RIMS1: variants seen among roughly 807,000 people sequenced by gnomAD.
RIMS1 encodes the protein regulating synaptic membrane exocytosis 1.
RIMS1 carries 83 observed loss-of-function variants against 214.1 expected under a neutral mutation model. The ratio of observed to expected loss-of-function variants is 0.39; its 90% CI spans 0.32 to 0.47. RIMS1 has a LOEUF of 0.47. RIMS1 is among the 20% of genes least tolerant of loss of function. The pLI is 0.99. For synonymous variants in RIMS1, 793 were observed against 786.8 expected (o/e 1.01, Z -0.13); for missense variants, 2,050 against 2,161.8 (o/e 0.95, Z 1.03).
intron 3 of RIMS1, among the ~76,000 whole-genome samples, chr6:72,098,597 T>A (rs1441085480): frequency 6.6e-6 from 1 of 151,700 alleles, no homozygotes; most frequent in Non-Finnish European, 1.5e-5. Context: ...ACCTGGCCGA[T>A]CAATATATCT....
chr6:72,182,631 A>C lies in RIMS1; in HGVS notation c.1160A>C (p.Glu387Ala), dbSNP rs1215027327. 6.5e-7 allele frequency: 1 copy of C among 1,544,340 alleles called. No homozygotes were observed. Among genetic ancestry groups the C allele is most frequent in the East Asian group, 2.5e-5 (1 of 40,730 alleles). ...MHARVSRARH[E>A]RRHSDVALPR... ...GCCCGGGTGTCCCGCGCCAGGCACG[A>C]GCGGCGCCACAGCGACGTGGCGCTC... Residue 387 changes from glutamate (E) to alanine (A), a missense_variant, in exon 6 of 34, where the codon GAG becomes GCG. Physicochemically the swap from Glu to Ala is moderately radical, Grantham distance 107. This residue lies in a region of RIMS1 where 882 missense variants were observed against 828.9 expected (regional missense o/e 1.06). Coordinates refer to ENST00000521978, the MANE Select transcript of RIMS1 (RefSeq NM_014989.7).
At chr6:72,313,474 G>A (rs773185408) in intron 27 of RIMS1, 32 bp from the exon 28 acceptor site, 8 of 1,598,060 alleles carry the variant, frequency 5.0e-6, no homozygotes, top group African/African-American at 4.0e-5. Flanking sequence ...GTCTAATGAT[G>A]GAGCTCACAC....
Position 72,400,474 on chromosome 6 carries a change from T to C in RIMS1, c.4861-22T>C, listed in dbSNP as rs761862125. ...GAAGCAGAGAGAAGTCCAGGTAATG[T>C]TGCATTTCTCTATCTCTGCAGGTGA... On this transcript the variant is annotated intron_variant, in intron 33 of 33. Coordinates refer to ENST00000521978, the MANE Select transcript of RIMS1 (RefSeq NM_014989.7). 11 of 1,599,290 alleles carry C rather than the reference T, an allele frequency of 6.9e-6. No homozygotes were observed. The South Asian group carries it at 1.1e-4, about 16-fold the overall frequency.
At chr6:72,335,276 GTGTCCA>G (rs1358146666) in intron 29 of RIMS1, among the ~76,000 whole-genome samples, 1 of 151,914 alleles carries the variant, frequency 6.6e-6, no homozygotes, top group Non-Finnish European at 1.5e-5. Flanking sequence ...TCCCTTCCCT[GTGTCCA>G]TGTGTTCTCA....
intron 2 of RIMS1, among the ~76,000 whole-genome samples, chr6:72,071,859 G>A (rs1427124847): frequency 6.6e-6 from 1 of 152,126 alleles, no homozygotes; most frequent in African/African-American, 2.4e-5. Flanking sequence ...AATAGTAAAT[G>A]ACTTAGCCTG....
intron 24 of RIMS1, among the ~76,000 whole-genome samples, chr6:72,288,851 C>A (rs1185247838): frequency 2.0e-5 from 3 of 151,762 alleles, no homozygotes; most frequent in African/African-American, 7.3e-5. Context: ...GGGGCAGGAA[C>A]TCTTTTATTA....
intron 29 of RIMS1, among the ~76,000 whole-genome samples, chr6:72,361,745 CCA>C (rs1485685831): frequency 1.3e-5 from 2 of 152,310 alleles, no homozygotes; most frequent in East Asian, 3.9e-4. Flanking sequence ...ATCATCAAAG[CCA>C]GCAATGCTAA....
intron 28 of RIMS1, among the ~76,000 whole-genome samples, chr6:72,332,347 G>T (rs529189642): frequency 1.3e-5 from 2 of 151,566 alleles, no homozygotes; most frequent in East Asian, 2.0e-4. Flanking sequence ...GAAATGTACT[G>T]GTCTAGATGG....
rs35395914 is a variant in RIMS1 at position 71,986,190 on chromosome 6, G to GT, written c.245+17145dup. Among the ~76,000 whole-genome samples, 478 of 131,780 alleles carry GT rather than the reference G, an allele frequency of 3.6e-3. 1 individual carries two copies. The highest frequency in any genetic ancestry group is 5.6e-3 in the African/African-American group (202 of 35,788). The allele number at this position is 131,780 out of a possible 152,430, so 86.5% of individuals were successfully genotyped here. ...AGAAACCATCACAACTTTGGGTTTT[G>GT]TTTTTTTTTTTTTTTTTTAATGTTT... On this transcript the variant is annotated intron_variant, in intron 2 of 33. Transcript: ENST00000521978.
At chr6:71,997,277 TAAG>T (rs1217827938) in intron 2 of RIMS1, among the ~76,000 whole-genome samples, 2 of 152,124 alleles carry the variant, frequency 1.3e-5, no homozygotes, top group Non-Finnish European at 2.9e-5. Context: ...TTTAGAATAA[TAAG>T]AACTAGAAAT....
intron 29 of RIMS1, among the ~76,000 whole-genome samples, chr6:72,369,001 G>T (rs535447294): frequency 3.3e-5 from 5 of 151,330 alleles, no homozygotes; most frequent in African/African-American, 1.2e-4. Flanking sequence ...GAAACAGGAT[G>T]TAACCAGCTT....
chr6:72,327,945 C>G (rs976894763), intron 28 of RIMS1, among the ~76,000 whole-genome samples: 5 of 151,722 alleles, frequency 3.3e-5, no homozygotes, highest in African/African-American at 1.2e-4. Context: ...CTGTACAGAT[C>G]AATCAGAACA....
At chr6:71,959,122 TG>T in intron 1 of RIMS1, among the ~76,000 whole-genome samples, 1 of 152,208 alleles carries the variant, frequency 6.6e-6, no homozygotes. Context: ...AAATGAAAGG[TG>T]TATATTTCTC....
chr6:72,225,319 T>G (rs2059867198), intron 6 of RIMS1, among the ~76,000 whole-genome samples: 2 of 152,152 alleles, frequency 1.3e-5, no homozygotes, highest in African/African-American at 2.4e-5. Context: ...TCCTTAAAAT[T>G]CATCTTTATT....
chr6:72,213,071 A>C, intron 6 of RIMS1: 2 of 1,535,508 alleles, frequency 1.3e-6, no homozygotes, highest in Non-Finnish European at 1.7e-6. Context: ...AGAGTGGTTT[A>C]AACAGCAAGG....
At chr6:72,180,649 A>T (rs1415212770) in intron 5 of RIMS1, among the ~76,000 whole-genome samples, 1 of 152,266 alleles carries the variant, frequency 6.6e-6, no homozygotes, top group East Asian at 1.9e-4. Context: ...ACATGAAGCT[A>T]TGCACTGGGA....
At chr6:71,983,324 C>T (rs1256823607) in intron 2 of RIMS1, among the ~76,000 whole-genome samples, 4 of 152,096 alleles carry the variant, frequency 2.6e-5, no homozygotes, top group South Asian at 2.1e-4. Context: ...CCACCAAGAG[C>T]GTGCTTATGC....
intron 2 of RIMS1, among the ~76,000 whole-genome samples, chr6:72,008,520 C>A (rs1442048704): frequency 2.6e-5 from 4 of 152,128 alleles, no homozygotes; most frequent in Admixed American, 1.3e-4. Flanking sequence ...TTAAAAGACA[C>A]AAACTGGCAA....
chr6:71,960,244 T>C (rs562955942), intron 1 of RIMS1, among the ~76,000 whole-genome samples: 52 of 152,174 alleles, frequency 3.4e-4, no homozygotes, highest in African/African-American at 1.2e-3. Flanking sequence ...TGATTGTTTC[T>C]TATGATGGAG....
Sources: gnomAD v4.1 joint callset for allele counts (sites outside exome capture counted in the v4.1 genomes callset) on GRCh38, gnomAD v4.1.1 for gene constraint, gnomAD v4.1.1 regional missense constraint, MANE v1.5 for transcripts, NCBI Gene and HGNC (gene_info 2026-07-23, HGNC 2026-07-21) for gene names.